Variants in NCBP3 observed in about 807,000 individuals in gnomAD.
NCBP3 encodes nuclear cap-binding protein subunit 3.
A neutral mutation model predicts 75.7 loss-of-function variants in NCBP3; 20 were observed. That is an observed-to-expected ratio of 0.26 (90% CI 0.19 to 0.38). NCBP3 has a LOEUF of 0.38. Among genes scored for constraint, NCBP3 ranks in the 10% least tolerant of loss-of-function variants. NCBP3 has a pLI of 1.00. For synonymous variants in NCBP3, 293 were observed against 290.5 expected, an observed-to-expected ratio of 1.01 and a Z score of -0.09; for missense variants, 678 against 796.9, an observed-to-expected ratio of 0.85 and a Z score of 1.80.
At chr17:3,843,943 T>C (rs2054111776) in intron 1 of NCBP3, among the ~76,000 whole-genome samples, 1 of 152,184 alleles carries the variant, frequency 6.6e-6, no homozygotes, top group Non-Finnish European at 1.5e-5. Flanking sequence ...ATGGTATCAA[T>C]CAACCACTCC....
chr17:3,844,129 C>T (rs2054115082), intron 1 of NCBP3, among the ~76,000 whole-genome samples: 1 of 152,220 alleles, frequency 6.6e-6, no homozygotes, highest in Non-Finnish European at 1.5e-5. Context: ...GGAGCACAAC[C>T]CTCCACCTCA....
rs2053406683 is a variant in NCBP3, at chr17:3,811,209, T to A, written c.*1835A>T. The A allele has an allele frequency of 1.3e-5, 2 of 152,322 alleles. No homozygotes were observed. Among genetic ancestry groups the A allele is most frequent in the Non-Finnish European group, 2.9e-5 (2 of 68,174 alleles). The allele number at this position is 152,322 out of a possible 1,614,324, so 9.4% of individuals were successfully genotyped here. A position where few individuals can be genotyped will look rare whatever the true frequency, so the allele number is the denominator to read the frequency against. ...CCACTCAACTGCTAGACGGGAAAAC[T>A]GAGGCCCAGGTCCATGGAGCAGAGC... On this transcript the variant is annotated 3_prime_UTR_variant, in exon 13 of 13. Transcript: ENST00000389005.
At position 3,812,798 on chromosome 17, in the gene NCBP3, G is replaced by GT; in HGVS notation, c.*245dup. ...TGGAGGGCTGCCTTTTTCTCAAAGG[G>GT]TAAAGCCTGTGGGGTGGTGGGAAAG... On this transcript the variant is annotated 3_prime_UTR_variant, in exon 13 of 13. Transcript: ENST00000389005. 9 of 1,350,540 alleles carry GT rather than the reference G, an allele frequency of 6.7e-6. No individual in the cohort carries two copies. The highest frequency in any genetic ancestry group is 7.6e-6 in the Non-Finnish European group (8 of 1,049,124). 83.7% of individuals were successfully genotyped at this position (1,350,540 alleles called of 1,614,324 possible). A position where few individuals can be genotyped will look rare whatever the true frequency, so the allele number is the denominator to read the frequency against.
chr17:3,845,044 G>A (rs938850730), intron 1 of NCBP3, among the ~76,000 whole-genome samples: 1 of 152,210 alleles, frequency 6.6e-6, no homozygotes, highest in Non-Finnish European at 1.5e-5. Flanking sequence ...TTGAGATGGG[G>A]AGAGGGGAAA....
intron 3 of NCBP3, among the ~76,000 whole-genome samples, chr17:3,834,839 A>G (rs1231044392): frequency 6.6e-6 from 1 of 152,202 alleles, no homozygotes; most frequent in African/African-American, 2.4e-5. Flanking sequence ...AAACAAAAAA[A>G]AAAAAGAAGA....
At position 3,818,678 on chromosome 17, in the gene NCBP3, G is replaced by T; in HGVS notation, c.1001-106C>A. The stretch of plus-strand genomic sequence containing the variant: ...TTTAAAAGGTGGGGTTCCCATCCCT[G>T]ACATTTTATTGGAGCACTATCTATA... On this transcript the variant is annotated intron_variant, in intron 9 of 12. Coordinates refer to ENST00000389005, the MANE Select transcript of NCBP3 (RefSeq NM_001114118.3). The surrounding 1 kb of genome is among the most constrained non-coding windows in gnomAD (Gnocchi z 4.7). 1 of 1,271,778 alleles carries T rather than the reference G, an allele frequency of 7.9e-7. No individual in the cohort carries two copies. Among genetic ancestry groups the T allele is most frequent in the Non-Finnish European group, 1.1e-6 (1 of 925,766 alleles). The allele number at this position is 1,271,778 out of a possible 1,614,324, so 78.8% of individuals were successfully genotyped here.
chr17:3,838,708 T>C (rs1444197198), intron 3 of NCBP3, among the ~76,000 whole-genome samples: 1 of 152,210 alleles, frequency 6.6e-6, no homozygotes, highest in East Asian at 1.9e-4. Flanking sequence ...CCACCTTTAC[T>C]AGCTACATGA....
At chr17:3,826,695 AGAAGGAAGGAAGGAAG>A (rs375511950) in intron 4 of NCBP3, among the ~76,000 whole-genome samples, 1 of 146,082 alleles carries the variant, frequency 6.8e-6, no homozygotes, top group Non-Finnish European at 1.5e-5. Flanking sequence ...AGACAGAAAG[AGAAGGAAGGAAGGAAG>A]GAAGGAAGGA....
intron 9 of NCBP3, among the ~76,000 whole-genome samples, chr17:3,819,201 G>A (rs1040984656): frequency 7.9e-5 from 12 of 152,098 alleles, no homozygotes; most frequent in Non-Finnish European, 1.8e-4. Context: ...TGAGTTATAG[G>A]GCTACTGGCT....
chr17:3,815,849 C>T (rs577497197), intron 11 of NCBP3, among the ~76,000 whole-genome samples: 2 of 151,688 alleles, frequency 1.3e-5, no homozygotes, highest in South Asian at 2.1e-4. Context: ...CTGTAGGGGG[C>T]GGGGAGGGGG....
chr17:3,843,570 G>C (rs926193638), intron 1 of NCBP3, among the ~76,000 whole-genome samples: 6 of 152,128 alleles, frequency 3.9e-5, no homozygotes, highest in African/African-American at 1.4e-4. Flanking sequence ...TTTTGAGATG[G>C]AGTCTCACTC....
At chr17:3,836,100 T>TA (rs2053967444) in intron 3 of NCBP3, among the ~76,000 whole-genome samples, 2 of 152,340 alleles carry the variant, frequency 1.3e-5, no homozygotes, top group African/African-American at 4.8e-5. Flanking sequence ...AGTAAGCACT[T>TA]AACACACGTT....
intron 4 of NCBP3, among the ~76,000 whole-genome samples, chr17:3,827,757 T>C (rs1400932693): frequency 6.6e-6 from 1 of 152,212 alleles, no homozygotes; most frequent in African/African-American, 2.4e-5. Flanking sequence ...AATTCTAATA[T>C]ACCTTAGTCA....
chr17:3,833,208 A>G (rs218710), intron 3 of NCBP3, among the ~76,000 whole-genome samples: 110,497 of 152,082 alleles, frequency 0.73, 40,643 homozygotes, highest in Middle Eastern at 0.79. Flanking sequence ...AGCCATGATC[A>G]CACAACTGCA....
chr17:3,826,871 G>C (rs1295479339), intron 4 of NCBP3, among the ~76,000 whole-genome samples: 1 of 151,904 alleles, frequency 6.6e-6, no homozygotes, highest in Admixed American at 6.6e-5. Context: ...AAATTAGCCG[G>C]GCGTGGTGGC....
In NCBP3 at chr17:3,826,102, C is replaced by T. The variant is rs1464020250; in HGVS notation, c.595G>A (p.Glu199Lys). 8 of 1,550,646 alleles carry T rather than the reference C, an allele frequency of 5.2e-6. No individual in the cohort carries two copies. Among genetic ancestry groups the T allele is most frequent in the Non-Finnish European group, 7.0e-6 (8 of 1,146,690 alleles). ...GTGTTGTTACCTTTTTTCCTTTTCTCAGCTGACTTGTCCTCACTGGCATCC... is the reference window on the plus strand; with the variant it reads ...GTGTTGTTACCTTTTTTCCTTTTCTTAGCTGACTTGTCCTCACTGGCATCC... ...SRDASEDKSA[E>K]KRKKDKQEDS... Residue 199 changes from glutamate to lysine, a missense_variant, in exon 5 of 13, where the codon GAG (glutamate) becomes AAG (lysine). Coordinates refer to ENST00000389005, the MANE Select transcript of NCBP3 (RefSeq NM_001114118.3).
chr17:3,823,796 A>C (rs1305452080), intron 7 of NCBP3: 4 of 152,182 alleles, frequency 2.6e-5, no homozygotes, highest in Admixed American at 2.6e-4. Flanking sequence ...TGATTACCTT[A>C]ACCAAGTGAA....
At chr17:3,835,997 T>A (rs1421398787) in intron 3 of NCBP3, among the ~76,000 whole-genome samples, 1 of 152,148 alleles carries the variant, frequency 6.6e-6, no homozygotes, top group African/African-American at 2.4e-5. Context: ...AGCACCTTCA[T>A]TTTCTCCCCA....
chr17:3,832,424 A>G lies in NCBP3; in HGVS notation c.356-3056T>C, dbSNP rs1409754973. On this transcript the variant is annotated intron_variant, in intron 3 of 12. Transcript: ENST00000389005. The stretch of plus-strand genomic sequence containing the variant: ...CGGGGCGGGCAGATCACAAGGTCAG[A>G]TCGAGACCATCCTGGCCAACACGGT... 3.3e-4 allele frequency among the ~76,000 whole-genome samples: 39 copies of G among 117,716 alleles called. 3 individuals carry two copies. Among genetic ancestry groups the G allele is most frequent in the African/African-American group, 9.4e-4 (36 of 38,148 alleles). The allele number at this position is 117,716 out of a possible 152,430, so 77.2% of individuals were successfully genotyped here. A position where few individuals can be genotyped will look rare whatever the true frequency, so the allele number is the denominator to read the frequency against.
Sources: gnomAD v4.1 joint callset for allele counts (sites outside exome capture counted in the v4.1 genomes callset) on GRCh38, gnomAD v4.1.1 for gene constraint, Gnocchi (gnomAD v3.1) non-coding constraint, MANE v1.5 for transcripts, NCBI Gene and HGNC (gene_info 2026-07-23, HGNC 2026-07-21) for gene names.